The following SF3B3 variants were observed in gnomAD, a reference collection of about 807,000 sequenced individuals.
SF3B3 encodes SAP 130.
In SF3B3, 33 loss-of-function variants were observed where a neutral mutation model predicts 139.2. The ratio of observed to expected loss-of-function variants is 0.24; its 90% CI spans 0.18 to 0.32. The LOEUF is 0.32. Among genes scored for constraint, SF3B3 ranks in the 10% least tolerant of loss-of-function variants. SF3B3 has a pLI of 1.00. For missense variants in SF3B3, 818 were observed against 1,509.4 expected (o/e 0.54, Z 7.59); for synonymous variants, 596 against 563.6 (o/e 1.06, Z -0.81).
Position 70,575,900 on chromosome 16 carries a change from T to C in SF3B3, c.*4087T>C, listed in dbSNP as rs1407973836. 2 of 152,188 alleles carry C rather than the reference T, an allele frequency of 1.3e-5. No individual in the cohort carries two copies. Among genetic ancestry groups the C allele is most frequent in the African/African-American group, 4.8e-5 (2 of 41,438 alleles). 9.4% of individuals were successfully genotyped at this position (152,188 alleles called of 1,614,324 possible). On this transcript the variant is annotated 3_prime_UTR_variant, in exon 26 of 26. Transcript: ENST00000302516. ...TAGTGGGATATTAGAACCCTCTTCA[T>C]TTGTCAGAACAGATTCCTGGGGTCT...
intron 8 of SF3B3, among the ~76,000 whole-genome samples, chr16:70,539,677 T>G (rs1323243203): frequency 6.6e-6 from 1 of 152,208 alleles, no homozygotes; most frequent in African/African-American, 2.4e-5. Flanking sequence ...TTACCTTCCT[T>G]TATTTTAGTG....
Position 70,556,255 on chromosome 16 carries a change from C to T in SF3B3, c.1787C>T (p.Pro596Leu), listed in dbSNP as rs748575144. The T allele has an allele frequency of 1.2e-6, 2 of 1,614,000 alleles. No individual in the cohort carries two copies. Among genetic ancestry groups the T allele is most frequent in the South Asian group, 1.1e-5 (1 of 91,088 alleles). ...GTGTGCATGAGTCTGGCCAATGTAC[C>T]CCCTGGAGAGCAGCGGTCTCGCTTC... ...DVVCMSLANV[P>L]PGEQRSRFLA... is the part of the protein sequence containing the mutation. Residue 596 changes from proline to leucine, a missense_variant, in exon 14 of 26, where the codon CCC becomes CTC. Physicochemically the swap from Pro to Leu is moderately conservative, Grantham distance 98. This residue lies in a region of SF3B3 where 170 missense variants were observed against 353.0 expected (regional missense o/e 0.48). Transcript: ENST00000302516.
rs1206936830 is a variant in SF3B3 at position 70,574,863 on chromosome 16, GGAATATTGTATGTGA to G, written c.*3051_*3065del. The G allele has an allele frequency of 6.6e-6, 1 of 152,178 alleles. No individual in the cohort carries two copies. Among genetic ancestry groups the G allele is most frequent in the African/African-American group, 2.4e-5 (1 of 41,430 alleles). 9.4% of individuals were successfully genotyped at this position (152,178 alleles called of 1,614,324 possible). ...GTCATCCACTTGCTCATTTGCATAT[GGAATATTGTATGTGA>G]ATATTTTATTACACCCTTAAAATTA... On this transcript the variant is annotated 3_prime_UTR_variant, in exon 26 of 26. Coordinates refer to ENST00000302516, the MANE Select transcript of SF3B3 (RefSeq NM_012426.5).
At position 70,541,813 on chromosome 16, in the gene SF3B3, C is replaced by G; in HGVS notation, c.1212C>G (p.Leu404=). 2.5e-6 allele frequency: 4 copies of G among 1,613,892 alleles called. No individual in the cohort carries two copies. The South Asian group carries it at 3.3e-5, about 13-fold the overall frequency. Residue 404 remains leucine, a synonymous_variant, in exon 9 of 26, where the codon CTC becomes CTG. Transcript: ENST00000302516. ...TGCTGGTTGATGAGTTGGACAGCCT[C>G]TCTCCCATTCTGTTTTGCCAGGTTG... ...NLVLVDELDS[L]SPILFCQIAD...
intron 11 of SF3B3, among the ~76,000 whole-genome samples, chr16:70,549,980 A>G (rs2050306743): frequency 6.6e-6 from 1 of 152,230 alleles, no homozygotes; most frequent in Non-Finnish European, 1.5e-5. Flanking sequence ...TCTCACTTTT[A>G]TGAAGAAGAC....
At chr16:70,568,082 A>G (rs1392216598) in intron 21 of SF3B3, among the ~76,000 whole-genome samples, 4 of 152,200 alleles carry the variant, frequency 2.6e-5, no homozygotes, top group African/African-American at 9.6e-5. Flanking sequence ...AAGGAAAGTA[A>G]ATGTGAGAGT....
At chr16:70,552,878 G>C (rs1380920352) in intron 11 of SF3B3, among the ~76,000 whole-genome samples, 1 of 152,108 alleles carries the variant, frequency 6.6e-6, no homozygotes, top group Non-Finnish European at 1.5e-5. Flanking sequence ...CCTGCTAATA[G>C]GGCAGAACAC....
chr16:70,533,035 G>A (rs539054357), intron 5 of SF3B3, among the ~76,000 whole-genome samples: 6 of 152,292 alleles, frequency 3.9e-5, no homozygotes, highest in South Asian at 2.1e-4. Flanking sequence ...TTTTGAAGAC[G>A]ATTACCAGAT....
chr16:70,552,662 G>T (rs1448764356), intron 11 of SF3B3, among the ~76,000 whole-genome samples: 1 of 152,100 alleles, frequency 6.6e-6, no homozygotes, highest in East Asian at 1.9e-4. Flanking sequence ...TGGATTCCTG[G>T]TCTAACCATT....
intron 10 of SF3B3, among the ~76,000 whole-genome samples, chr16:70,547,933 A>T (rs997327178): frequency 2.6e-5 from 4 of 152,196 alleles, no homozygotes; most frequent in African/African-American, 9.7e-5. Context: ...GGGAGAGGTG[A>T]CTGCCAGCCA....
chr16:70,565,606 T>C (rs2050468219), intron 20 of SF3B3, 82 bp downstream of exon 20: 1 of 1,294,608 alleles, frequency 7.7e-7, no homozygotes, highest in Non-Finnish European at 1.1e-6. Context: ...ATCAGGTCTT[T>C]TGGGGACCAG....
intron 7 of SF3B3, among the ~76,000 whole-genome samples, 199 bp from the exon 8 acceptor site, chr16:70,538,905 C>G (rs947899953): frequency 2.0e-5 from 3 of 152,184 alleles, no homozygotes; most frequent in Non-Finnish European, 2.9e-5. Flanking sequence ...GTCTCCGTCT[C>G]AATTACTCAA....
rs2050552487 is a variant in SF3B3 at position 70,573,898 on chromosome 16, A to G, written c.*2085A>G. The G allele has an allele frequency of 6.6e-6, 1 of 152,244 alleles. No homozygotes were observed. 9.4% of individuals were successfully genotyped at this position (152,244 alleles called of 1,614,324 possible). A position where few individuals can be genotyped will look rare whatever the true frequency, so the allele number is the denominator to read the frequency against. On this transcript the variant is annotated 3_prime_UTR_variant, in exon 26 of 26. Transcript: ENST00000302516. ...CTGACCTTACTGGCAGAGGTTCTGC[A>G]GATGTTTCCTTTGGAAGATCTCTTG...
chr16:70,544,910 A>T (rs1216131288), intron 10 of SF3B3, among the ~76,000 whole-genome samples: 1 of 152,188 alleles, frequency 6.6e-6, no homozygotes, highest in Non-Finnish European at 1.5e-5. Context: ...GTCACTAGTC[A>T]TGACATGGAG....
Position 70,572,312 on chromosome 16 carries a change from G to T in SF3B3, c.*499G>T. 1 of 313,130 alleles carries T rather than the reference G, an allele frequency of 3.2e-6. No individual in the cohort carries two copies. The highest frequency in any genetic ancestry group is 6.3e-6 in the Non-Finnish European group (1 of 158,876). The allele number at this position is 313,130 out of a possible 1,614,324, so 19.4% of individuals were successfully genotyped here. A position where few individuals can be genotyped will look rare whatever the true frequency, so the allele number is the denominator to read the frequency against. Reference sequence around the variant, plus strand: ...TTTTTAAGGTGACTGGCATCCATGTGTCTTGTTCTGGAGATGAGGATGTAG... The same window carrying T: ...TTTTTAAGGTGACTGGCATCCATGTTTCTTGTTCTGGAGATGAGGATGTAG... On this transcript the variant is annotated 3_prime_UTR_variant, in exon 26 of 26. Transcript: ENST00000302516.
intron 2 of SF3B3, among the ~76,000 whole-genome samples, chr16:70,527,512 A>G (rs747650005): frequency 6.6e-6 from 1 of 152,138 alleles, no homozygotes; most frequent in Admixed American, 6.6e-5. Flanking sequence ...AGGCAGCCTA[A>G]CTGACCACAC....
At chr16:70,568,849 C>T (rs1240906631) in intron 22 of SF3B3, among the ~76,000 whole-genome samples, 194 bp from the exon 23 acceptor site, 1 of 152,124 alleles carries the variant, frequency 6.6e-6, no homozygotes, top group Non-Finnish European at 1.5e-5. Flanking sequence ...GCTCATGGGT[C>T]GATTCTTTTG....
intron 2 of SF3B3, among the ~76,000 whole-genome samples, chr16:70,528,474 T>TG (rs1328127871): frequency 2.7e-5 from 4 of 149,290 alleles, no homozygotes; most frequent in African/African-American, 9.8e-5. Context: ...CTTTTTTTTT[T>TG]TTTTTTTTTT....
chr16:70,568,260 A>G, intron 21 of SF3B3, 23 bp from the exon 22 acceptor site: 1 of 1,557,090 alleles, frequency 6.4e-7, no homozygotes, highest in South Asian at 1.1e-5. Context: ...ACCCACCATC[A>G]CTATTGTCTT....
Sources: allele counts gnomAD v4.1 joint callset (sites outside exome capture counted in the v4.1 genomes callset), GRCh38; gene constraint gnomAD v4.1.1; regional missense constraint gnomAD v4.1.1; transcripts MANE v1.5; gene names NCBI Gene and HGNC (gene_info 2026-07-23, HGNC 2026-07-21).